XPO7: variants seen among roughly 807,000 people sequenced by gnomAD.
XPO7 encodes exportin 7, also known as exportin-7.
Under a neutral mutation model 144.3 loss-of-function variants are expected in XPO7, and 21 were observed. That is an observed-to-expected ratio of 0.15 (90% CI 0.10 to 0.21). The LOEUF (loss-of-function observed/expected upper bound fraction) is 0.21. Ranked by LOEUF, XPO7 falls within the 10% of genes least tolerant of loss-of-function variation. XPO7 has a pLI of 1.00. For missense variants in XPO7, 808 were observed against 1,325.8 expected (o/e 0.61, Z 6.06); for synonymous variants, 580 against 499.6 (o/e 1.16, Z -2.15).
At chr8:21,946,939 C>A (rs1046244815) in intron 1 of XPO7, among the ~76,000 whole-genome samples, 1 of 152,074 alleles carries the variant, frequency 6.6e-6, no homozygotes, top group Admixed American at 6.5e-5. Flanking sequence ...GTGTGCCCAA[C>A]AAAATTATCT....
intron 1 of XPO7, among the ~76,000 whole-genome samples, chr8:21,925,541 G>C (rs977104691): frequency 6.6e-6 from 1 of 152,190 alleles, no homozygotes. Flanking sequence ...TGTTCATGGT[G>C]GTGGTTATTG....
At chr8:21,959,032 C>T (rs553692533) in intron 1 of XPO7, among the ~76,000 whole-genome samples, 1 of 151,698 alleles carries the variant, frequency 6.6e-6, no homozygotes, top group Non-Finnish European at 1.5e-5. Context: ...AGTCAGGTAA[C>T]TCAAATTGTT....
chr8:21,952,659 T>A (rs1489246350), intron 1 of XPO7, among the ~76,000 whole-genome samples: 1 of 152,214 alleles, frequency 6.6e-6, no homozygotes, highest in Non-Finnish European at 1.5e-5. Context: ...AAGTACAGTA[T>A]GGATTCTAGT....
At chr8:21,995,033 G>A (rs778703348) in intron 20 of XPO7, among the ~76,000 whole-genome samples, 5 of 151,340 alleles carry the variant, frequency 3.3e-5, no homozygotes, top group African/African-American at 4.9e-5. Context: ...CAGCCTGGGC[G>A]ACAGAGCGAG....
rs1813323886 is a variant in XPO7 at position 22,006,188 on chromosome 8, A to G, written c.*1100A>G. 1 of 152,232 alleles carries G rather than the reference A, an allele frequency of 6.6e-6. No homozygotes were observed. The highest frequency in any genetic ancestry group is 2.4e-5 in the African/African-American group (1 of 41,456). The allele number at this position is 152,232 out of a possible 1,614,324, so 9.4% of individuals were successfully genotyped here. On this transcript the variant is annotated 3_prime_UTR_variant, in exon 28 of 28. Transcript: ENST00000252512. ...GGGTTCTTAATAACAAGGTCTACCT[A>G]GCATGAAGTATTTAACATTCTCCCA... is the stretch of plus-strand genomic sequence containing the variant.
chr8:21,922,122 G>GTTTCA (rs1810309013), intron 1 of XPO7, among the ~76,000 whole-genome samples: 1 of 152,130 alleles, frequency 6.6e-6, no homozygotes, highest in South Asian at 2.1e-4. Context: ...TTATTGGAGA[G>GTTTCA]TTGCATTTGT....
chr8:21,976,977 A>G (rs1475840122), intron 7 of XPO7, among the ~76,000 whole-genome samples: 2 of 152,170 alleles, frequency 1.3e-5, no homozygotes, highest in East Asian at 3.9e-4. Context: ...CTATTTTATA[A>G]TGTTGGGGAG....
At chr8:21,960,336 G>A (rs1811683756) in intron 1 of XPO7, among the ~76,000 whole-genome samples, 1 of 152,214 alleles carries the variant, frequency 6.6e-6, no homozygotes, top group African/African-American at 2.4e-5. Flanking sequence ...ACCTTGCCCT[G>A]CAGCTTTCTT....
intron 5 of XPO7, among the ~76,000 whole-genome samples, chr8:21,974,184 G>A (rs907779464): frequency 8.6e-5 from 13 of 151,630 alleles, no homozygotes; most frequent in Non-Finnish European, 5.9e-5. Flanking sequence ...CCACCACACC[G>A]ATTTTTTTAT....
At chr8:21,984,881 A>G in intron 12 of XPO7, 42 bp downstream of exon 12, 1 of 1,601,786 alleles carries the variant, frequency 6.2e-7, no homozygotes, top group Non-Finnish European at 8.5e-7. Context: ...CTGTGAGGAG[A>G]TGTTGTCTAG....
intron 1 of XPO7, among the ~76,000 whole-genome samples, chr8:21,926,721 T>C (rs1247669718): frequency 1.3e-5 from 2 of 152,162 alleles, no homozygotes; most frequent in Non-Finnish European, 2.9e-5. Context: ...TGATGTATAT[T>C]TCACATATCA....
chr8:21,994,880 C>T (rs543106029), intron 20 of XPO7, among the ~76,000 whole-genome samples: 4 of 151,992 alleles, frequency 2.6e-5, no homozygotes, highest in East Asian at 1.9e-4. Context: ...GGTGAAACCC[C>T]GTCTGTACTA....
rs1237726437 is a variant in XPO7 at position 22,005,336 on chromosome 8, CTG to C, written c.*249_*250del. ...GGTGGGAGGAGATAAGAGATACAAA[CTG>C]AGACTCCAGCCTCTCCTCCTGGGGC... is the stretch of plus-strand genomic sequence containing the variant. On this transcript the variant is annotated 3_prime_UTR_variant, in exon 28 of 28. Transcript: ENST00000252512. The C allele has an allele frequency of 6.1e-6, 2 of 326,378 alleles. No homozygotes were observed. Among genetic ancestry groups the C allele is most frequent in the Admixed American group, 4.9e-5 (1 of 20,564 alleles). 20.2% of individuals were successfully genotyped at this position (326,378 alleles called of 1,614,324 possible). A position where few individuals can be genotyped will look rare whatever the true frequency, so the allele number is the denominator to read the frequency against.
intron 24 of XPO7, among the ~76,000 whole-genome samples, chr8:22,001,880 A>G (rs1813159640): frequency 6.6e-6 from 1 of 152,242 alleles, no homozygotes; most frequent in Non-Finnish European, 1.5e-5. Flanking sequence ...ACGTACATCC[A>G]CAACACATTG....
chr8:21,926,874 C>G (rs1196629494), intron 1 of XPO7, among the ~76,000 whole-genome samples: 1 of 152,062 alleles, frequency 6.6e-6, no homozygotes, highest in African/African-American at 2.4e-5. Context: ...TGTCATTGAC[C>G]CATCTAAGGA....
At chr8:21,958,814 A>G (rs1811625241) in intron 1 of XPO7, among the ~76,000 whole-genome samples, 1 of 152,058 alleles carries the variant, frequency 6.6e-6, no homozygotes, top group Admixed American at 6.6e-5. Context: ...TACAAAAACC[A>G]GCCGAACATG....
At chr8:21,970,024 G>C (rs1022871687) in intron 3 of XPO7, 120 bp from the exon 4 acceptor site, 2 of 1,120,158 alleles carry the variant, frequency 1.8e-6, no homozygotes, top group Admixed American at 4.9e-5. Flanking sequence ...AAGACAGTTT[G>C]GGTTAAATAG....
At chr8:21,950,444 C>A (rs1811333148) in intron 1 of XPO7, among the ~76,000 whole-genome samples, 1 of 152,030 alleles carries the variant, frequency 6.6e-6, no homozygotes, top group Non-Finnish European at 1.5e-5. Context: ...AATTATTCTC[C>A]CCATCAAATG....
intron 2 of XPO7, 151 bp from the exon 3 acceptor site, chr8:21,969,332 C>T (rs897388246): frequency 6.4e-6 from 4 of 629,304 alleles, no homozygotes; most frequent in Non-Finnish European, 1.1e-5. Flanking sequence ...TTCATTTTTC[C>T]TCAGAGCAGT....
Sources: allele counts gnomAD v4.1 joint callset (sites outside exome capture counted in the v4.1 genomes callset), GRCh38; gene constraint gnomAD v4.1.1; transcripts MANE v1.5; gene names NCBI Gene and HGNC (gene_info 2026-07-23, HGNC 2026-07-21).